Variants in AUTS2 observed in about 807,000 individuals in gnomAD.
AUTS2 encodes activator of transcription and developmental regulator AUTS2.
Under a neutral mutation model 112.4 loss-of-function variants are expected in AUTS2, and 17 were observed. The ratio of observed to expected loss-of-function variants is 0.15; its 90% CI spans 0.10 to 0.23. The LOEUF (loss-of-function observed/expected upper bound fraction) is 0.23. Ranked by LOEUF, AUTS2 falls within the 10% of genes least tolerant of loss-of-function variation. The pLI, the probability that AUTS2 is intolerant of heterozygous loss-of-function variation, is 1.00. For synonymous variants in AUTS2, 751 were observed against 702.7 expected (o/e 1.07, Z -1.09); for missense variants, 1,510 against 1,701.6 (o/e 0.89, Z 1.98).
chr7:70,232,857 G>A (rs1033207840), intron 4 of AUTS2, among the ~76,000 whole-genome samples: 5 of 152,188 alleles, frequency 3.3e-5, no homozygotes, highest in Non-Finnish European at 7.3e-5. Flanking sequence ...ACAGGTAGCA[G>A]TTGATGCTCA....
Position 70,694,719 on chromosome 7 carries a change from AGCGCGGGCCGGGCGATCTCGGCGG to A in AUTS2, c.691-3844_691-3821del, listed in dbSNP as rs1465324671. 2.7e-5 allele frequency: 4 copies of A among 146,788 alleles called. No individual in the cohort carries two copies. Among genetic ancestry groups the A allele is most frequent in the African/African-American group, 9.9e-5 (4 of 40,410 alleles). 9.1% of individuals were successfully genotyped at this position (146,788 alleles called of 1,614,324 possible). The stretch of plus-strand genomic sequence containing the variant: ...CAGGAGCGGCGGGGAGACAGTGGCG[AGCGCGGGCCGGGCGATCTCGGCGG>A]GCGCGCTCCTCCCGCCGCCCGGGGC... On this transcript the variant is annotated intron_variant, in intron 5 of 18. Coordinates refer to ENST00000342771, the MANE Select transcript of AUTS2 (RefSeq NM_015570.4). This position sits in a 1 kb window ranked among gnomAD's most constrained non-coding sequence, Gnocchi z 4.1.
intron 5 of AUTS2, among the ~76,000 whole-genome samples, chr7:70,507,871 G>GT (rs775476564): frequency 6.6e-6 from 1 of 152,184 alleles, no homozygotes; most frequent in Non-Finnish European, 1.5e-5. Context: ...CCTGAAAAGT[G>GT]TATGTGTACA....
intron 1 of AUTS2, among the ~76,000 whole-genome samples, chr7:69,708,248 A>G (rs538900949): frequency 2.0e-5 from 3 of 152,206 alleles, no homozygotes; most frequent in Non-Finnish European, 4.4e-5. Flanking sequence ...CTAGAGCATC[A>G]TATTGCTCAC....
intron 2 of AUTS2, among the ~76,000 whole-genome samples, chr7:70,013,903 T>C (rs529195118): frequency 1.6e-4 from 25 of 152,114 alleles, no homozygotes; most frequent in Admixed American, 1.3e-3. Context: ...ATTTTAGTAA[T>C]GATGGATTTT....
intron 4 of AUTS2, among the ~76,000 whole-genome samples, chr7:70,245,171 A>AT (rs61292882): frequency 0.026 from 3,324 of 129,340 alleles, 120 homozygotes; most frequent in African/African-American, 0.073. Flanking sequence ...TATATATATA[A>AT]AAAATAAAAA....
Position 70,790,269 on chromosome 7 carries a change from C to T in AUTS2, c.3053C>T (p.Pro1018Leu). 2 of 1,613,224 alleles carry T rather than the reference C, an allele frequency of 1.2e-6. No homozygotes were observed. Among genetic ancestry groups the T allele is most frequent in the Non-Finnish European group, 1.7e-6 (2 of 1,179,924 alleles). ...PNSSSSVHPGPLASMPMTVGV... is the reference protein window; with the variant it reads ...PNSSSSVHPGLLASMPMTVGV... ...TCCTCGTCCAGCGTGCACCCGGGGC[C>T]CCTGGCCTCGATGCCCATGACGGTG... is the stretch of plus-strand genomic sequence containing the variant. The change falls in exon 19 of 19, where the codon CCC (proline) becomes CTC (leucine). Residue 1018 changes from proline (P) to leucine (L), a missense_variant. Physicochemically the swap from Pro to Leu is moderately conservative, Grantham distance 98. Around this residue, in one of 3 missense-constraint regions of AUTS2, gnomAD observed 788 missense variants for 797.6 expected, o/e 0.99. Coordinates refer to ENST00000342771, the MANE Select transcript of AUTS2 (RefSeq NM_015570.4). This position sits in a 1 kb window ranked among gnomAD's most constrained non-coding sequence, Gnocchi z 7.6.
chr7:69,745,322 C>T (rs555669882), intron 1 of AUTS2, among the ~76,000 whole-genome samples: 10 of 152,296 alleles, frequency 6.6e-5, no homozygotes, highest in Non-Finnish European at 1.5e-4. Context: ...CAAACTCAGA[C>T]TATTTACCTT....
intron 2 of AUTS2, among the ~76,000 whole-genome samples, chr7:69,942,236 C>T (rs1200417910): frequency 1.3e-5 from 2 of 152,108 alleles, no homozygotes; most frequent in African/African-American, 2.4e-5. Context: ...TCAGCTACAG[C>T]CCAGCACCTA....
chr7:70,145,971 A>G (rs1807103080), intron 4 of AUTS2, among the ~76,000 whole-genome samples: 1 of 152,124 alleles, frequency 6.6e-6, no homozygotes, highest in Non-Finnish European at 1.5e-5. Flanking sequence ...CCTAAGCACT[A>G]TTTTAGTGAA....
At chr7:70,489,093 A>G (rs1230874836) in intron 5 of AUTS2, among the ~76,000 whole-genome samples, 1 of 152,254 alleles carries the variant, frequency 6.6e-6, no homozygotes, top group Non-Finnish European at 1.5e-5. Context: ...ATTTGAGGAA[A>G]CCAACAAAAA....
chr7:70,700,846 A>G (rs1809417571), intron 6 of AUTS2, among the ~76,000 whole-genome samples: 2 of 152,216 alleles, frequency 1.3e-5, no homozygotes, highest in African/African-American at 4.8e-5. Context: ...TGTCAGCTTC[A>G]TGCACATCAA....
At chr7:70,554,090 C>T (rs1424334513) in intron 5 of AUTS2, among the ~76,000 whole-genome samples, 3 of 125,596 alleles carry the variant, frequency 2.4e-5, no homozygotes, top group Non-Finnish European at 3.3e-5. Context: ...TTTTTTGAGA[C>T]GGAGTTTCGC....
chr7:70,731,668 A>G (rs963562402), intron 6 of AUTS2, among the ~76,000 whole-genome samples: 2 of 151,698 alleles, frequency 1.3e-5, no homozygotes, highest in Non-Finnish European at 2.9e-5. Flanking sequence ...TGACCTTGTG[A>G]TCCACCCACC....
chr7:69,892,739 T>G (rs747721410), intron 1 of AUTS2, among the ~76,000 whole-genome samples: 2 of 152,234 alleles, frequency 1.3e-5, no homozygotes, highest in Non-Finnish European at 1.5e-5. Context: ...GTTTTAGGTT[T>G]TACATTCAGG....
chr7:69,792,822 C>A (rs74624445), intron 1 of AUTS2, among the ~76,000 whole-genome samples: 1 of 152,026 alleles, frequency 6.6e-6, no homozygotes, highest in Admixed American at 6.6e-5. Flanking sequence ...AGAGACATTT[C>A]GGTTCATTAG....
intron 1 of AUTS2, among the ~76,000 whole-genome samples, chr7:69,851,841 A>G (rs78182082): frequency 6.6e-6 from 1 of 152,208 alleles, no homozygotes; most frequent in African/African-American, 2.4e-5. Context: ...TTGGTCTTCA[A>G]CTTTGCAGAG....
intron 5 of AUTS2, among the ~76,000 whole-genome samples, chr7:70,556,979 C>T (rs570733885): frequency 3.5e-4 from 53 of 152,260 alleles, no homozygotes; most frequent in African/African-American, 1.2e-3. Context: ...TCCTCCTGTG[C>T]GCTCCCAGAG....
At chr7:70,707,357 G>A (rs970432121) in intron 6 of AUTS2, among the ~76,000 whole-genome samples, 2 of 152,148 alleles carry the variant, frequency 1.3e-5, no homozygotes, top group Non-Finnish European at 2.9e-5. Context: ...TCAGAAATGA[G>A]GCAACTTGTC....
intron 3 of AUTS2, among the ~76,000 whole-genome samples, chr7:70,123,257 A>C (rs59700110): frequency 2.6e-5 from 4 of 152,186 alleles, no homozygotes; most frequent in Non-Finnish European, 5.9e-5. Flanking sequence ...AATATTTTAG[A>C]GAATAAAGAT....
Sources: allele counts gnomAD v4.1 joint callset (sites outside exome capture counted in the v4.1 genomes callset), GRCh38; gene constraint gnomAD v4.1.1; regional missense constraint gnomAD v4.1.1; non-coding constraint Gnocchi (gnomAD v3.1); transcripts MANE v1.5; gene names NCBI Gene and HGNC (gene_info 2026-07-23, HGNC 2026-07-21).